The following CLSTN2 variants were observed in gnomAD, a reference collection of about 807,000 sequenced individuals.
CLSTN2 encodes calsyntenin-2.
A neutral mutation model predicts 101.2 loss-of-function variants in CLSTN2; 48 were observed. The observed-to-expected ratio is 0.47, with a 90% CI of 0.38 to 0.60. The LOEUF (loss-of-function observed/expected upper bound fraction) is 0.60, where lower values mean the gene tolerates loss of function less well. Among genes scored for constraint, CLSTN2 ranks in the 20% least tolerant of loss-of-function variants. CLSTN2 has a pLI of 0.00. For missense variants in CLSTN2, 1,160 were observed against 1,238.2 expected (o/e 0.94, Z 0.95); for synonymous variants, 481 against 463.6 (o/e 1.04, Z -0.48).
chr3:140,301,888 C>G (rs2087062483), intron 2 of CLSTN2, among the ~76,000 whole-genome samples: 1 of 151,736 alleles, frequency 6.6e-6, no homozygotes, highest in African/African-American at 2.4e-5. Context: ...AGAATTTCCT[C>G]AAACCATTAT....
At chr3:140,226,314 A>C (rs2086319777) in intron 2 of CLSTN2, among the ~76,000 whole-genome samples, 1 of 152,190 alleles carries the variant, frequency 6.6e-6, no homozygotes, top group Non-Finnish European at 1.5e-5. Context: ...TATCAATGTC[A>C]ATGTCCTGGT....
rs1156469829 is a variant in CLSTN2, at chr3:140,240,211, CACACACACACAT to C, written c.232+64140_232+64151del. The stretch of plus-strand genomic sequence containing the variant: ...ATATATATATATATACACACACACA[CACACACACACAT>C]ATATATATATGCATATATACACATA... On this transcript the variant is annotated intron_variant, in intron 2 of 16. Transcript: ENST00000458420. Among the ~76,000 whole-genome samples the C allele has an allele frequency of 8.8e-4, 17 of 19,244 alleles. 1 individual carries two copies. The highest frequency in any genetic ancestry group is 1.3e-3 in the African/African-American group (16 of 12,384). The allele number at this position is 19,244 out of a possible 152,430, so 12.6% of individuals were successfully genotyped here.
intron 2 of CLSTN2, among the ~76,000 whole-genome samples, chr3:140,192,653 CT>C (rs1418133392): frequency 8.0e-6 from 1 of 124,938 alleles, no homozygotes; most frequent in African/African-American, 2.5e-5. Context: ...ATGATATATT[CT>C]TTTTTTTCCA....
At chr3:140,149,939 T>C (rs1436818062) in intron 1 of CLSTN2, among the ~76,000 whole-genome samples, 1 of 152,172 alleles carries the variant, frequency 6.6e-6, no homozygotes, top group African/African-American at 2.4e-5. Flanking sequence ...CAAGTAGGTA[T>C]CTTTGTTAAA....
intron 4 of CLSTN2, among the ~76,000 whole-genome samples, chr3:140,411,028 G>C (rs1446548818): frequency 6.6e-6 from 1 of 152,078 alleles, no homozygotes; most frequent in Non-Finnish European, 1.5e-5. Context: ...GAAAGGAACA[G>C]AAGATCAACA....
chr3:140,016,401 G>A (rs1379610099), intron 1 of CLSTN2, among the ~76,000 whole-genome samples: 1 of 152,130 alleles, frequency 6.6e-6, no homozygotes, highest in Non-Finnish European at 1.5e-5. Flanking sequence ...AATAGAATAC[G>A]AATTGACCCT....
At chr3:140,248,792 T>C (rs968023624) in intron 2 of CLSTN2, among the ~76,000 whole-genome samples, 20 of 152,226 alleles carry the variant, frequency 1.3e-4, no homozygotes, top group Admixed American at 7.2e-4. Context: ...CATCTATACA[T>C]GAGAGACAGA....
chr3:140,454,992 T>C (rs1933361986), intron 6 of CLSTN2, among the ~76,000 whole-genome samples: 3 of 152,168 alleles, frequency 2.0e-5, no homozygotes, highest in Admixed American at 2.0e-4. Context: ...AGATTCTACA[T>C]CACTGAACTC....
At chr3:140,398,646 C>T (rs765555663) in intron 2 of CLSTN2, among the ~76,000 whole-genome samples, 24 of 152,082 alleles carry the variant, frequency 1.6e-4, no homozygotes, top group Non-Finnish European at 3.1e-4. Context: ...GGGTGCTGAC[C>T]GTAGATGCCA....
At chr3:140,146,477 C>T (rs1330799841) in intron 1 of CLSTN2, among the ~76,000 whole-genome samples, 1 of 152,216 alleles carries the variant, frequency 6.6e-6, no homozygotes, top group Non-Finnish European at 1.5e-5. Flanking sequence ...GGAGTCTGTA[C>T]TGTAGAAACA....
intron 2 of CLSTN2, among the ~76,000 whole-genome samples, chr3:140,253,024 A>T (rs13088541): frequency 0.29 from 44,719 of 152,040 alleles, 8,032 homozygotes; most frequent in East Asian, 0.64. Flanking sequence ...ACAGTCAGCC[A>T]AATGTGCATG....
intron 1 of CLSTN2, among the ~76,000 whole-genome samples, chr3:140,044,588 G>C (rs970707068): frequency 1.3e-5 from 2 of 152,156 alleles, no homozygotes; most frequent in Admixed American, 6.5e-5. Context: ...TGGTGAGAGA[G>C]GGCATCCCTG....
chr3:139,991,727 A>C (rs1233495219), intron 1 of CLSTN2, among the ~76,000 whole-genome samples: 1 of 152,244 alleles, frequency 6.6e-6, no homozygotes, highest in East Asian at 1.9e-4. Flanking sequence ...CTTGACTCAA[A>C]CTGGCTCGAA....
At chr3:140,009,797 A>G (rs1576395626) in intron 1 of CLSTN2, among the ~76,000 whole-genome samples, 1 of 152,254 alleles carries the variant, frequency 6.6e-6, no homozygotes, top group Admixed American at 6.5e-5. Flanking sequence ...TTTCCAAACT[A>G]CAAAAGAAGC....
intron 2 of CLSTN2, among the ~76,000 whole-genome samples, chr3:140,362,482 T>C (rs2087739379): frequency 6.6e-6 from 1 of 152,166 alleles, no homozygotes; most frequent in South Asian, 2.1e-4. Flanking sequence ...TTTTAAACTT[T>C]TGTGCTTCAA....
chr3:140,069,261 G>A (rs958662421), intron 1 of CLSTN2, among the ~76,000 whole-genome samples: 1 of 152,176 alleles, frequency 6.6e-6, no homozygotes, highest in Admixed American at 6.5e-5. Flanking sequence ...CCTTTGGTGG[G>A]TTTGGTCTGG....
chr3:140,149,857 G>C (rs1316385), intron 1 of CLSTN2, among the ~76,000 whole-genome samples: 103,761 of 152,136 alleles, frequency 0.68, 39,688 homozygotes, highest in East Asian at 0.91. Context: ...CGGGTGTCCT[G>C]TATTTTTATT....
chr3:139,947,147 A>C (rs180745223), intron 1 of CLSTN2, among the ~76,000 whole-genome samples: 1 of 152,360 alleles, frequency 6.6e-6, no homozygotes, highest in East Asian at 1.9e-4. Flanking sequence ...AAACCTACCA[A>C]GGGCAATGGC....
At chr3:140,057,148 T>A (rs1201208616) in intron 1 of CLSTN2, among the ~76,000 whole-genome samples, 1 of 152,210 alleles carries the variant, frequency 6.6e-6, no homozygotes, top group Non-Finnish European at 1.5e-5. Flanking sequence ...ACTGAAGCCA[T>A]GCATATGGAG....
Sources: allele counts gnomAD v4.1 joint callset (sites outside exome capture counted in the v4.1 genomes callset), GRCh38; gene constraint gnomAD v4.1.1; transcripts MANE v1.5; gene names NCBI Gene and HGNC (gene_info 2026-07-23, HGNC 2026-07-21).